CNTNAP2: variants seen among roughly 807,000 people sequenced by gnomAD.
CNTNAP2 encodes the protein contactin associated protein 2.
A neutral mutation model predicts 155.2 loss-of-function variants in CNTNAP2; 98 were observed. That is an observed-to-expected ratio of 0.63 (90% CI 0.54 to 0.75). CNTNAP2 has a LOEUF of 0.75. Among genes scored for constraint, CNTNAP2 ranks in the 30% least tolerant of loss-of-function variants. CNTNAP2 has a pLI of 0.00. For synonymous variants in CNTNAP2, 651 were observed against 631.2 expected (o/e 1.03, Z -0.47); for missense variants, 1,727 against 1,688.1 (o/e 1.02, Z -0.40).
intron 1 of CNTNAP2, among the ~76,000 whole-genome samples, chr7:146,201,276 CTGA>C (rs1384954701): frequency 6.6e-6 from 1 of 152,034 alleles, no homozygotes. Context: ...GGGGAGAAAC[CTGA>C]TGTCATAGAC....
chr7:147,339,498 C>T (rs1795722989), intron 9 of CNTNAP2, among the ~76,000 whole-genome samples: 1 of 152,178 alleles, frequency 6.6e-6, no homozygotes, highest in Non-Finnish European at 1.5e-5. Flanking sequence ...TTGAACTTTG[C>T]AGCCACCAGA....
chr7:146,546,695 G>C (rs1432058465), intron 1 of CNTNAP2, among the ~76,000 whole-genome samples: 1 of 151,886 alleles, frequency 6.6e-6, no homozygotes, highest in East Asian at 1.9e-4. Context: ...TCCACATGAG[G>C]GGAGGCCTCA....
chr7:147,689,961 T>C (rs1796065021), intron 13 of CNTNAP2, among the ~76,000 whole-genome samples: 1 of 151,616 alleles, frequency 6.6e-6, no homozygotes. Flanking sequence ...TTTCTCTCTG[T>C]AGATTGTGTG....
chr7:146,916,934 A>G (rs552333711), intron 3 of CNTNAP2, among the ~76,000 whole-genome samples: 2 of 152,004 alleles, frequency 1.3e-5, no homozygotes, highest in African/African-American at 2.4e-5. Flanking sequence ...TGTCTTTCAG[A>G]CTTTCTGATG....
At chr7:147,471,001 C>T (rs764728015) in intron 10 of CNTNAP2, among the ~76,000 whole-genome samples, 6 of 152,126 alleles carry the variant, frequency 3.9e-5, no homozygotes, top group Admixed American at 6.5e-5. Flanking sequence ...GGAGAAATGT[C>T]AAGCAAGTGT....
intron 3 of CNTNAP2, among the ~76,000 whole-genome samples, chr7:147,003,495 A>G (rs1563040033): frequency 6.6e-6 from 1 of 152,050 alleles, no homozygotes; most frequent in Non-Finnish European, 1.5e-5. Context: ...GGATAACTAA[A>G]CTGCTATGAT....
intron 19 of CNTNAP2, among the ~76,000 whole-genome samples, chr7:148,227,235 A>G (rs1008253599): frequency 6.6e-6 from 1 of 152,170 alleles, no homozygotes; most frequent in African/African-American, 2.4e-5. Context: ...TGAGAGGGAC[A>G]ATTGCCTCTA....
At chr7:148,333,858 G>T (rs1798073131) in intron 21 of CNTNAP2, among the ~76,000 whole-genome samples, 2 of 151,682 alleles carry the variant, frequency 1.3e-5, no homozygotes, top group South Asian at 2.1e-4. Context: ...TGCCAGTGTT[G>T]GATGTTCTAC....
At chr7:146,767,800 G>A (rs942120564) in intron 1 of CNTNAP2, among the ~76,000 whole-genome samples, 2 of 152,094 alleles carry the variant, frequency 1.3e-5, no homozygotes, top group Non-Finnish European at 2.9e-5. Context: ...GAACGACTGG[G>A]TCAAAACAGG....
rs1314995147 is a variant in CNTNAP2, at chr7:146,322,550, A to AGTTT, written c.97+205577_97+205578insGTTT. Among the ~76,000 whole-genome samples the AGTTT allele has an allele frequency of 2.6e-3, 394 of 151,794 alleles. 3 individuals are homozygous for AGTTT. Among genetic ancestry groups the AGTTT allele is most frequent in the African/African-American group, 8.7e-3 (359 of 41,312 alleles). On this transcript the variant is annotated intron_variant, in intron 1 of 23. Coordinates refer to ENST00000361727, the MANE Select transcript of CNTNAP2 (RefSeq NM_014141.6). The stretch of plus-strand genomic sequence containing the variant: ...TCTCAGAATGAAACATACAAATTTA[A>AGTTT]ATTTGGGAAATCTATTGGATCCTCT...
rs141919059 is a variant in CNTNAP2 at position 146,980,376 on chromosome 7, A to G, written c.403-63531A>G. ...GTAACACATAAGTCCTTGATTGACAATGGTTTGCCCAGTGGAAGGTTGATT... is the reference window on the plus strand; with the variant it reads ...GTAACACATAAGTCCTTGATTGACAGTGGTTTGCCCAGTGGAAGGTTGATT... On this transcript the variant is annotated intron_variant, in intron 3 of 23. Coordinates refer to ENST00000361727, the MANE Select transcript of CNTNAP2 (RefSeq NM_014141.6). Among the ~76,000 whole-genome samples the G allele has an allele frequency of 2.3e-3, 355 of 152,318 alleles. 1 individual carries two copies. Among genetic ancestry groups the G allele is most frequent in the African/African-American group, 7.3e-3 (304 of 41,576 alleles).
intron 20 of CNTNAP2, among the ~76,000 whole-genome samples, chr7:148,231,242 A>G (rs1209356848): frequency 6.6e-6 from 1 of 152,166 alleles, no homozygotes; most frequent in Admixed American, 6.5e-5. Context: ...ATGATTTTTA[A>G]GACTTGGGGC....
At chr7:146,656,495 C>T (rs1184698980) in intron 1 of CNTNAP2, among the ~76,000 whole-genome samples, 1 of 152,202 alleles carries the variant, frequency 6.6e-6, no homozygotes, top group Non-Finnish European at 1.5e-5. Flanking sequence ...AATTTACTTT[C>T]ACATTTTACT....
At chr7:148,274,633 G>A (rs1796840253) in intron 21 of CNTNAP2, among the ~76,000 whole-genome samples, 1 of 152,138 alleles carries the variant, frequency 6.6e-6, no homozygotes, top group African/African-American at 2.4e-5. Flanking sequence ...TACCCTGCCT[G>A]CTCCACCTTC....
At chr7:146,132,151 G>C (rs535995006) in intron 1 of CNTNAP2, among the ~76,000 whole-genome samples, 4 of 152,236 alleles carry the variant, frequency 2.6e-5, no homozygotes, top group African/African-American at 9.6e-5. Context: ...TGAGATTACA[G>C]TCTCTGCTAA....
intron 8 of CNTNAP2, among the ~76,000 whole-genome samples, chr7:147,221,273 T>G (rs1192348707): frequency 2.0e-5 from 3 of 152,210 alleles, no homozygotes; most frequent in Admixed American, 6.5e-5. Context: ...TCATGGTATT[T>G]TTTTGAACAA....
chr7:147,785,442 C>T (rs1032461043), intron 13 of CNTNAP2, among the ~76,000 whole-genome samples: 1 of 151,964 alleles, frequency 6.6e-6, no homozygotes, highest in Non-Finnish European at 1.5e-5. Flanking sequence ...CTAAAACTTA[C>T]TATTTGGTAG....
intron 16 of CNTNAP2, among the ~76,000 whole-genome samples, chr7:148,145,009 G>A (rs1037029314): frequency 3.2e-4 from 48 of 152,258 alleles, no homozygotes; most frequent in African/African-American, 1.1e-3. Flanking sequence ...AAGGCTTCCC[G>A]CAGCAATGTC....
At chr7:147,895,358 A>G (rs1038087133) in intron 13 of CNTNAP2, among the ~76,000 whole-genome samples, 2 of 151,950 alleles carry the variant, frequency 1.3e-5, no homozygotes, top group East Asian at 3.9e-4. Flanking sequence ...AATCATCCAC[A>G]CCATAATAAA....
Sources: gnomAD v4.1 joint callset for allele counts (sites outside exome capture counted in the v4.1 genomes callset) on GRCh38, gnomAD v4.1.1 for gene constraint, MANE v1.5 for transcripts, NCBI Gene and HGNC (gene_info 2026-07-23, HGNC 2026-07-21) for gene names.